Variants in SIPA1L1 observed in about 807,000 individuals in gnomAD.
The protein encoded by SIPA1L1 is signal-induced proliferation-associated 1-like protein 1.
A neutral mutation model predicts 162.7 loss-of-function variants in SIPA1L1; 26 were observed. The observed-to-expected ratio is 0.16, with a 90% CI of 0.12 to 0.22. SIPA1L1 has a LOEUF of 0.22. SIPA1L1 is among the 10% of genes least tolerant of loss of function. The pLI is 1.00. For synonymous variants in SIPA1L1, 829 were observed against 837.4 expected, an observed-to-expected ratio of 0.99 and a Z score of 0.17; for missense variants, 1,874 against 2,241.0, an observed-to-expected ratio of 0.84 and a Z score of 3.31.
At chr14:71,504,818 T>C (rs1231497866) in intron 2 of SIPA1L1, among the ~76,000 whole-genome samples, 1 of 152,204 alleles carries the variant, frequency 6.6e-6, no homozygotes, top group African/African-American at 2.4e-5. Flanking sequence ...TTCTACCTTT[T>C]TTAGAAGTCA....
intron 3 of SIPA1L1, among the ~76,000 whole-genome samples, chr14:71,527,527 G>A (rs954776436): frequency 3.3e-5 from 5 of 151,970 alleles, no homozygotes; most frequent in Admixed American, 2.6e-4. Flanking sequence ...TTTGTAAGGA[G>A]TTCTTTATAT....
At chr14:71,571,887 C>G (rs2032127927) in intron 4 of SIPA1L1, among the ~76,000 whole-genome samples, 1 of 151,286 alleles carries the variant, frequency 6.6e-6, no homozygotes, top group Admixed American at 6.6e-5. Flanking sequence ...CTCCTGACCT[C>G]ATGATCCGCT....
At chr14:71,719,848 A>T (rs559405404) in intron 17 of SIPA1L1, among the ~76,000 whole-genome samples, 1 of 152,168 alleles carries the variant, frequency 6.6e-6, no homozygotes, top group South Asian at 2.1e-4. Context: ...AGTTGCAAAG[A>T]TAGAGTTCCC....
intron 22 of SIPA1L1, among the ~76,000 whole-genome samples, chr14:71,736,439 G>T (rs1342989325): frequency 6.6e-6 from 1 of 152,130 alleles, no homozygotes; most frequent in Non-Finnish European, 1.5e-5. Context: ...AAAACTCCAG[G>T]TATCTGTAAA....
chr14:71,670,635 C>T (rs913969486), intron 10 of SIPA1L1, among the ~76,000 whole-genome samples: 4 of 152,158 alleles, frequency 2.6e-5, no homozygotes, highest in African/African-American at 4.8e-5. Flanking sequence ...TTATGGCATG[C>T]ATCTTCTGAT....
intron 4 of SIPA1L1, among the ~76,000 whole-genome samples, chr14:71,587,357 G>T (rs201047768): frequency 6.9e-6 from 1 of 145,506 alleles, no homozygotes; most frequent in East Asian, 2.0e-4. Context: ...AGTCTTAATA[G>T]TTTTTTTTTT....
intron 2 of SIPA1L1, among the ~76,000 whole-genome samples, chr14:71,332,202 G>A (rs184335284): frequency 1.3e-5 from 2 of 152,250 alleles, no homozygotes; most frequent in East Asian, 3.9e-4. Context: ...GGTCTCTAAG[G>A]AGTAATTTAT....
At chr14:71,468,878 T>C (rs1206708207) in intron 2 of SIPA1L1, among the ~76,000 whole-genome samples, 1 of 152,206 alleles carries the variant, frequency 6.6e-6, no homozygotes, top group Admixed American at 6.5e-5. Context: ...GAGCTTGTTA[T>C]GTTCTTTGTT....
At position 71,700,994 on chromosome 14, in the gene SIPA1L1, C is replaced by CAAAA. The variant is rs539293669; in HGVS notation, c.3522-1350_3522-1347dup. On this transcript the variant is annotated intron_variant, in intron 14 of 23. Coordinates refer to ENST00000381232, the MANE Select transcript of SIPA1L1 (RefSeq NM_001386936.1). ...TAGGGGACAGAGCAAGACTCCGTCT[C>CAAAA]AAAAAAAAAAAAAAAAAAAAAAAAA... Among the ~76,000 whole-genome samples, 83 of 51,750 alleles carry CAAAA rather than the reference C, an allele frequency of 1.6e-3. 6 individuals are homozygous for CAAAA. The highest frequency in any genetic ancestry group is 2.5e-3 in the Non-Finnish European group (75 of 29,726). 34.0% of individuals were successfully genotyped at this position (51,750 alleles called of 152,430 possible). A position where few individuals can be genotyped will look rare whatever the true frequency, so the allele number is the denominator to read the frequency against.
In SIPA1L1 at chr14:71,738,883, G is replaced by A. The variant is rs535887125; in HGVS notation, c.5209-135G>A. On this transcript the variant is annotated intron_variant, in intron 23 of 23. Transcript: ENST00000381232. ...GTGTCTTAGCACCTGATACCAGTCC[G>A]TTTAGACAGGTGTTTGGAGGAACGA... 3.3e-4 allele frequency: 334 copies of A among 998,048 alleles called. 2 individuals are homozygous for A. The highest frequency in any genetic ancestry group is 4.3e-4 in the Non-Finnish European group (299 of 690,962). The allele number at this position is 998,048 out of a possible 1,614,324, so 61.8% of individuals were successfully genotyped here.
intron 2 of SIPA1L1, among the ~76,000 whole-genome samples, chr14:71,399,546 A>G (rs1315729317): frequency 1.3e-5 from 2 of 152,076 alleles, no homozygotes; most frequent in Non-Finnish European, 2.9e-5. Flanking sequence ...CTTGGACCAC[A>G]GGTGCACACC....
chr14:71,321,339 G>C (rs2032887146), intron 2 of SIPA1L1, 158 bp downstream of exon 2: 2 of 152,540 alleles, frequency 1.3e-5, no homozygotes, highest in South Asian at 2.1e-4. Flanking sequence ...CTTGCTGGTA[G>C]CTTAGCCCGG....
chr14:71,531,109 C>T (rs2053401251), intron 4 of SIPA1L1, among the ~76,000 whole-genome samples: 1 of 152,156 alleles, frequency 6.6e-6, no homozygotes, highest in Non-Finnish European at 1.5e-5. Context: ...TCTGTATCTA[C>T]TTCTACACTC....
At chr14:71,607,155 T>G (rs1204740897) in intron 5 of SIPA1L1, among the ~76,000 whole-genome samples, 6 of 151,764 alleles carry the variant, frequency 4.0e-5, no homozygotes, top group Non-Finnish European at 8.8e-5. Flanking sequence ...ACAAAGCTTC[T>G]CCGAGTTCCA....
intron 11 of SIPA1L1, 68 bp downstream of exon 11, chr14:71,671,760 C>G (rs779187898): frequency 8.4e-7 from 1 of 1,195,282 alleles, no homozygotes; most frequent in Non-Finnish European, 1.2e-6. Flanking sequence ...CAGACTAGAG[C>G]CAAGTTACTG....
intron 7 of SIPA1L1, among the ~76,000 whole-genome samples, chr14:71,645,980 C>T (rs1484935578): frequency 6.6e-6 from 1 of 152,122 alleles, no homozygotes; most frequent in Admixed American, 6.5e-5. Context: ...TTGTTCTCAT[C>T]GTTTGTTCTA....
intron 2 of SIPA1L1, among the ~76,000 whole-genome samples, chr14:71,427,633 A>G (rs758426220): frequency 1.3e-5 from 2 of 151,996 alleles, no homozygotes; most frequent in Non-Finnish European, 2.9e-5. Context: ...CTCAGACTTG[A>G]TCATTTTCAT....
At chr14:71,511,092 G>C (rs2051108989) in intron 2 of SIPA1L1, among the ~76,000 whole-genome samples, 1 of 152,132 alleles carries the variant, frequency 6.6e-6, no homozygotes, top group Admixed American at 6.5e-5. Flanking sequence ...TGTTCCCCAG[G>C]TGAATTGAAT....
chr14:71,613,034 C>T (rs1440893913), intron 5 of SIPA1L1, among the ~76,000 whole-genome samples: 2 of 151,996 alleles, frequency 1.3e-5, no homozygotes, highest in Admixed American at 6.5e-5. Flanking sequence ...GGAAGTCAAC[C>T]GTATATGGAT....
Sources: allele counts gnomAD v4.1 joint callset (sites outside exome capture counted in the v4.1 genomes callset), GRCh38; gene constraint gnomAD v4.1.1; transcripts MANE v1.5; gene names NCBI Gene and HGNC (gene_info 2026-07-23, HGNC 2026-07-21).